AGT: variants seen among roughly 807,000 people sequenced by gnomAD.
AGT encodes the protein alpha-1 antiproteinase, antitrypsin.
In AGT, 26 loss-of-function variants were observed where a neutral mutation model predicts 28.1. The observed-to-expected ratio is 0.92, with a 90% CI of 0.68 to 1.28. The LOEUF is 1.28. Ranked by LOEUF, AGT falls within the 50% of genes most tolerant of loss-of-function variation. The probability of loss-of-function intolerance (pLI) is 0.00; values close to 1 mark genes in which losing one functional copy is unlikely to be tolerated. For missense variants in AGT, 596 were observed against 592.3 expected, an observed-to-expected ratio of 1.01 and a Z score of -0.06; for synonymous variants, 259 against 259.6, an observed-to-expected ratio of 1.00 and a Z score of 0.02.
At chr1:230,719,150 G>T (rs1571981773), upstream of AGT, among the ~76,000 whole-genome samples, 1 of 152,228 alleles carries the variant, frequency 6.6e-6, no homozygotes, top group East Asian at 1.9e-4. Flanking sequence ...GAATAATGCT[G>T]CATTGAACTT....
At chr1:230,705,207 G>A (rs936898039) in intron 3 of AGT, among the ~76,000 whole-genome samples, 2 of 152,024 alleles carry the variant, frequency 1.3e-5, no homozygotes, top group South Asian at 2.1e-4. Flanking sequence ...AATGGGCCTA[G>A]TACCACTGAA....
chr1:230,706,656 A>G (rs1038131529), intron 2 of AGT, among the ~76,000 whole-genome samples: 2 of 152,178 alleles, frequency 1.3e-5, no homozygotes, highest in African/African-American at 4.8e-5. Context: ...GAAAGTTCCC[A>G]TATAACTCTT....
chr1:230,718,722 C>T (rs1402076155), upstream of AGT, among the ~76,000 whole-genome samples: 3 of 118,492 alleles, frequency 2.5e-5, no homozygotes, highest in Admixed American at 1.9e-4. Flanking sequence ...TTCCACACCG[C>T]TTTTTTTTTT....
Position 230,703,201 on chromosome 1 carries a change from A to T in AGT, c.1371T>A (p.Asp457Glu). The change falls in exon 5 of 5, where the codon GAT (aspartate) becomes GAA (glutamate). Residue 457 changes from aspartate to glutamate, a missense_variant. Coordinates refer to ENST00000366667, the MANE Select transcript of AGT (RefSeq NM_001384479.1). ...GGAAGTGCAGGGCAGTGGCGCTTTG[A>T]TCATACACAGCAAACAGGAATGGGC... ...LNRPFLFAVY[D>E]QSATALHFLG... The T allele has an allele frequency of 6.2e-7, 1 of 1,614,120 alleles. No individual in the cohort carries two copies. Among genetic ancestry groups the T allele is most frequent in the South Asian group, 1.1e-5 (1 of 91,090 alleles).
chr1:230,710,989 A>G, intron 1 of AGT, 136 bp from the exon 2 acceptor site: 1 of 1,196,256 alleles, frequency 8.4e-7, no homozygotes, highest in Non-Finnish European at 1.2e-6. Context: ...CTACAAAAAA[A>G]AGAAGAAATG....
intron 1 of AGT, among the ~76,000 whole-genome samples, chr1:230,732,054 C>T (rs1335514271): frequency 6.6e-6 from 1 of 152,116 alleles, no homozygotes; most frequent in Admixed American, 6.5e-5. Flanking sequence ...CCCTATCTCA[C>T]CTTATTCCAC....
intron 1 of AGT, among the ~76,000 whole-genome samples, chr1:230,722,807 G>A (rs1663873757): frequency 1.3e-5 from 2 of 152,198 alleles, no homozygotes; most frequent in East Asian, 1.9e-4. Context: ...AGGCAGAAGG[G>A]TCTTGCCTTG....
At chr1:230,718,487 A>T (rs1048929409), upstream of AGT, among the ~76,000 whole-genome samples, 1 of 151,970 alleles carries the variant, frequency 6.6e-6, no homozygotes, top group Admixed American at 6.6e-5. Context: ...AGACTTGTTC[A>T]TCGTATATAT....
chr1:230,732,172 T>G (rs1558294611), intron 1 of AGT, among the ~76,000 whole-genome samples: 1 of 152,180 alleles, frequency 6.6e-6, no homozygotes, highest in Non-Finnish European at 1.5e-5. Context: ...GTTTGTTTAT[T>G]TGTTTGTTTG....
intron 1 of AGT, among the ~76,000 whole-genome samples, chr1:230,736,101 C>T (rs1010940575): frequency 6.6e-6 from 1 of 152,134 alleles, no homozygotes; most frequent in Non-Finnish European, 1.5e-5. Context: ...ATTAATAATA[C>T]TCAGCTCCTA....
chr1:230,708,410 G>A (rs1663455923), intron 2 of AGT, among the ~76,000 whole-genome samples: 1 of 152,184 alleles, frequency 6.6e-6, no homozygotes. Context: ...AAGTCCATGT[G>A]TCCCTGCTCT....
intron 1 of AGT, among the ~76,000 whole-genome samples, chr1:230,727,581 A>G (rs1208818334): frequency 6.6e-6 from 1 of 152,240 alleles, no homozygotes; most frequent in Non-Finnish European, 1.5e-5. Context: ...TAAATGACAA[A>G]TACAGCCTCC....
chr1:230,707,493 G>T (rs12125552), intron 2 of AGT, among the ~76,000 whole-genome samples: 2,066 of 152,306 alleles, frequency 0.014, 20 homozygotes, highest in Non-Finnish European at 0.021. Flanking sequence ...GCAGGCAGGA[G>T]CTGGGCATGG....
chr1:230,715,513 T>G (rs1252305634), upstream of AGT, among the ~76,000 whole-genome samples: 1 of 152,198 alleles, frequency 6.6e-6, no homozygotes, highest in African/African-American at 2.4e-5. Flanking sequence ...ACTCTGTCTC[T>G]AAATAAATAG....
At position 230,710,587 on chromosome 1, in the gene AGT, C is replaced by A; in HGVS notation, c.237G>T (p.Leu79=). The A allele has an allele frequency of 6.2e-7, 1 of 1,614,276 alleles. No individual in the cohort carries two copies. Among genetic ancestry groups the A allele is most frequent in the Non-Finnish European group, 8.5e-7 (1 of 1,180,052 alleles). The change falls in exon 2 of 5, where the codon CTG becomes CTT. Residue 79 remains leucine (L), a synonymous_variant. Coordinates refer to ENST00000366667, the MANE Select transcript of AGT (RefSeq NM_001384479.1). ...PVDEKALQDQ[L]VLVAAKLDTE... ...TGTCAAGTTTTGCAGCGACTAGCAC[C>A]AGCTGGTCCTGTAGGGCCTTTTCAT...
intron 2 of AGT, among the ~76,000 whole-genome samples, chr1:230,709,436 TAAAA>T (rs34924695): frequency 7.6e-6 from 1 of 131,314 alleles, no homozygotes. Flanking sequence ...CCTGTCTCAA[TAAAA>T]AAAAAAAAAA....
At chr1:230,720,771 A>T (rs1663827787) in intron 1 of AGT, among the ~76,000 whole-genome samples, 1 of 151,906 alleles carries the variant, frequency 6.6e-6, no homozygotes, top group South Asian at 2.1e-4. Context: ...CATACTCCCC[A>T]TTCTGAGTCC....
intron 2 of AGT, among the ~76,000 whole-genome samples, chr1:230,708,776 C>A (rs941263104): frequency 6.6e-6 from 1 of 152,146 alleles, no homozygotes; most frequent in African/African-American, 2.4e-5. Context: ...TGGACTCTTG[C>A]GTAACCTTCA....
At chr1:230,742,194 T>C (rs1571990780) in intron 1 of AGT, among the ~76,000 whole-genome samples, 1 of 152,310 alleles carries the variant, frequency 6.6e-6, no homozygotes, top group African/African-American at 2.4e-5. Context: ...AGAACCACTA[T>C]TATGAGTAGA....
Sources: gnomAD v4.1 joint callset for allele counts (sites outside exome capture counted in the v4.1 genomes callset) on GRCh38, gnomAD v4.1.1 for gene constraint, MANE v1.5 for transcripts, NCBI Gene and HGNC (gene_info 2026-07-23, HGNC 2026-07-21) for gene names.